The following EPHA2 variants were observed in gnomAD, a reference collection of about 807,000 sequenced individuals.
EPHA2 encodes the protein ephrin type-A receptor 2.
EPHA2 carries 54 observed loss-of-function variants against 104.9 expected under a neutral mutation model. That is an observed-to-expected ratio of 0.51 (90% confidence interval 0.41 to 0.65). EPHA2 has a LOEUF of 0.65. EPHA2 is among the 30% of genes least tolerant of loss of function. The pLI is 0.00. For missense variants in EPHA2, 1,117 were observed against 1,369.5 expected (o/e 0.82, Z 2.91); for synonymous variants, 560 against 559.1 (o/e 1.00, Z -0.02).
Position 16,130,163 on chromosome 1 carries a change from A to C in EPHA2, c.2669+63T>G, listed in dbSNP as rs1464361669. On this transcript the variant is annotated intron_variant, in intron 15 of 16. Transcript: ENST00000358432. This position sits in a 1 kb window ranked among gnomAD's most constrained non-coding sequence, Gnocchi z 4.5. ...TTCACCTGGGTGGCCACTCTACCGA[A>C]GTGGTTCAAGAGTCTGCAGAAGGAA... is the stretch of plus-strand genomic sequence containing the variant. The C allele has an allele frequency of 1.2e-6, 2 of 1,609,348 alleles. No homozygotes were observed. The highest frequency in any genetic ancestry group is 1.7e-5 in the Admixed American group (1 of 59,886).
At chr1:16,138,855 G>A (rs1452657275) in intron 3 of EPHA2, among the ~76,000 whole-genome samples, 2 of 152,166 alleles carry the variant, frequency 1.3e-5, no homozygotes, top group African/African-American at 4.8e-5. Context: ...GTAGCTGAGA[G>A]CTGCCCAGGG....
intron 1 of EPHA2, among the ~76,000 whole-genome samples, chr1:16,151,551 A>G (rs1414151470): frequency 6.6e-6 from 1 of 152,200 alleles, no homozygotes; most frequent in East Asian, 1.9e-4. Flanking sequence ...ACAGGTGGGA[A>G]CAGCTCCAGG....
In EPHA2 at chr1:16,131,181, GACACACGGAT is replaced by G. The variant is rs2024563153; in HGVS notation, c.2475+530_2475+539del. 6.6e-6 allele frequency among the ~76,000 whole-genome samples: 1 copy of G among 151,924 alleles called. No homozygotes were observed. The highest frequency in any genetic ancestry group is 2.4e-5 in the African/African-American group (1 of 41,352). On this transcript the variant is annotated intron_variant, in intron 14 of 16. Transcript: ENST00000358432. The surrounding 1 kb of genome is among the most constrained non-coding windows in gnomAD (Gnocchi z 5.2). ...ACATACGGATGCACACACATGCATGGACACACGGATACACACGTACACCCCACTCCTTTTT... is the reference window on the plus strand; with the variant it reads ...ACATACGGATGCACACACATGCATGGACACACGTACACCCCACTCCTTTTT...
rs2025157757 is a variant in EPHA2 at position 16,155,899 on chromosome 1, G to A, written c.34C>T (p.Leu12=). 2 of 1,489,066 alleles carry A rather than the reference G, an allele frequency of 1.3e-6. No homozygotes were observed. The highest frequency in any genetic ancestry group is 1.3e-5 in the South Asian group (1 of 78,946). 92.2% of individuals were successfully genotyped at this position (1,489,066 alleles called of 1,614,324 possible). A position where few individuals can be genotyped will look rare whatever the true frequency, so the allele number is the denominator to read the frequency against. Residue 12 remains leucine (L), a synonymous_variant, in exon 1 of 17, where the codon CTG becomes TTG. Coordinates refer to ENST00000358432, the MANE Select transcript of EPHA2 (RefSeq NM_004431.5). The part of the protein sequence containing the change: ...ELQAARACFA[L]LWGCALAAAA... ...GCGGCCAGCGCACAGCCCCACAGCA[G>A]GGCGAAGCAGGCGCGGGCTGCCTGG...
Position 16,134,037 on chromosome 1 carries a change from C to G in EPHA2, c.1683-122G>C. 1.0e-6 allele frequency: 1 copy of G among 998,766 alleles called. No homozygotes were observed. The allele number at this position is 998,766 out of a possible 1,614,324, so 61.9% of individuals were successfully genotyped here. On this transcript the variant is annotated intron_variant, in intron 8 of 16. Transcript: ENST00000358432. The surrounding 1 kb of genome is among the most constrained non-coding windows in gnomAD (Gnocchi z 4.5). ...TGGGGTGCTCAGAATGCGGCCCAGT[C>G]CCCGCTTTTGCTGCCCAAGCTCCAC...
rs779660280 is a variant in EPHA2, at chr1:16,149,044, C to T, written c.157G>A (p.Asp53Asn). The T allele has an allele frequency of 1.7e-5, 28 of 1,612,580 alleles. No individual in the cohort carries two copies. The highest frequency in any genetic ancestry group is 2.4e-5 in the Non-Finnish European group (28 of 1,180,046). The change falls in exon 3 of 17, where the codon GAC (aspartate) becomes AAC (asparagine). Residue 53 changes from aspartate to asparagine, a missense_variant. Asp to Asn is a conservative substitution (Grantham distance 23, BLOSUM62 1). This residue lies in a region of EPHA2 where 664 missense variants were observed against 784.8 expected (regional missense o/e 0.85). Coordinates refer to ENST00000358432, the MANE Select transcript of EPHA2 (RefSeq NM_004431.5). Reference sequence around the variant, plus strand: ...TCATTCATGATGTTCTGCATCAGGTCCCACTGTGGGGGGAAGATACAGGTT... The same window carrying T: ...TCATTCATGATGTTCTGCATCAGGTTCCACTGTGGGGGGAAGATACAGGTT... Reference protein sequence around the residue: ...WLTHPYGKGWDLMQNIMNDMP... With the variant: ...WLTHPYGKGWNLMQNIMNDMP...
intron 3 of EPHA2, among the ~76,000 whole-genome samples, chr1:16,143,277 TG>T (rs2124245371): frequency 6.6e-6 from 1 of 151,266 alleles, no homozygotes; most frequent in South Asian, 2.1e-4. Context: ...GAAGAGTGAG[TG>T]GGAGAGAGAA....
At position 16,148,682 on chromosome 1, in the gene EPHA2, G is replaced by A. The variant is rs762853912; in HGVS notation, c.519C>T (p.Leu173=). ...AGGCCAGGTAGAAGCCTTTGCGGGT[G>A]AGCGGCCCCACGGAGCGCTCCTCCA... ...LNVEERSVGP[L]TRKGFYLAFQ... The change falls in exon 3 of 17, where the codon CTC becomes CTT. Residue 173 remains leucine, a synonymous_variant. Transcript: ENST00000358432. This position sits in a 1 kb window ranked among gnomAD's most constrained non-coding sequence, Gnocchi z 4.9. 4.3e-6 allele frequency: 7 copies of A among 1,611,378 alleles called. 1 individual carries two copies. Among genetic ancestry groups the A allele is most frequent in the Non-Finnish European group, 5.1e-6 (6 of 1,180,032 alleles).
Position 16,134,929 on chromosome 1 carries a change from G to C in EPHA2, c.1582+107C>G. The C allele has an allele frequency of 1.3e-6, 2 of 1,545,504 alleles. No individual in the cohort carries two copies. The highest frequency in any genetic ancestry group is 1.8e-6 in the Non-Finnish European group (2 of 1,142,320). On this transcript the variant is annotated intron_variant, in intron 7 of 16. Transcript: ENST00000358432. This position sits in a 1 kb window ranked among gnomAD's most constrained non-coding sequence, Gnocchi z 4.5. ...GGGCTGTCCCAGGCCGCCGGTGACC[G>C]AGAAAGGGGCATTTCTAAGTTATTT... is the stretch of plus-strand genomic sequence containing the variant.
chr1:16,141,234 G>A lies in EPHA2; in HGVS notation c.824-2804C>T, dbSNP rs538490903. 9.2e-5 allele frequency among the ~76,000 whole-genome samples: 14 copies of A among 152,260 alleles called. No individual in the cohort carries two copies. In the South Asian group the frequency reaches 2.9e-3, roughly 32 times the overall value. On this transcript the variant is annotated intron_variant, in intron 3 of 16. Transcript: ENST00000358432. Reference sequence around the variant, plus strand: ...CCCACCACAGATCTTCTCAAACTGGGCACTTTTGTGTCTGTGAGCAGAAAA... The same window carrying A: ...CCCACCACAGATCTTCTCAAACTGGACACTTTTGTGTCTGTGAGCAGAAAA...
At position 16,133,578 on chromosome 1, in the gene EPHA2, C is replaced by T. The variant is rs756361670; in HGVS notation, c.1767G>A (p.Val589=). 8 of 1,613,952 alleles carry T rather than the reference C, an allele frequency of 5.0e-6. No individual in the cohort carries two copies. The highest frequency in any genetic ancestry group is 6.8e-6 in the Non-Finnish European group (8 of 1,179,980). Residue 589 remains valine (V), a synonymous_variant, in exon 10 of 17, where the codon GTG becomes GTA. Coordinates refer to ENST00000358432, the MANE Select transcript of EPHA2 (RefSeq NM_004431.5). ...SEQLKPLKTY[V]DPHTYEDPNQ... The stretch of plus-strand genomic sequence containing the variant: ...TGGGGTCCTCATATGTGTGGGGGTC[C>T]ACGTATGTCTTCAGGGGCTTCAGTT...
rs2024564132 is a variant in EPHA2, at chr1:16,131,228, C to T, written c.2475+493G>A. Reference sequence around the variant, plus strand: ...CCCCACTCCTTTTTTCATCTCTGCACTCTCTGAATCAGCTCCTGGAACCCA... The same window carrying T: ...CCCCACTCCTTTTTTCATCTCTGCATTCTCTGAATCAGCTCCTGGAACCCA... On this transcript the variant is annotated intron_variant, in intron 14 of 16. Transcript: ENST00000358432. This position sits in a 1 kb window ranked among gnomAD's most constrained non-coding sequence, Gnocchi z 5.2. Among the ~76,000 whole-genome samples the T allele has an allele frequency of 6.6e-6, 1 of 152,068 alleles. No homozygotes were observed. Among genetic ancestry groups the T allele is most frequent in the South Asian group, 2.1e-4 (1 of 4,830 alleles).
At chr1:16,129,698 G>A (rs560746559) in intron 15 of EPHA2, 109 bp from the exon 16 acceptor site, 26 of 1,405,844 alleles carry the variant, frequency 1.8e-5, no homozygotes, top group African/African-American at 2.8e-5. Flanking sequence ...CCGTGCCTCC[G>A]TCTCCTTATC....
At chr1:16,129,873 G>A (rs968428995) in intron 15 of EPHA2, among the ~76,000 whole-genome samples, 2 of 152,188 alleles carry the variant, frequency 1.3e-5, no homozygotes, top group African/African-American at 4.8e-5. Context: ...CAGATCCTGA[G>A]GTCACAATCC....
intron 1 of EPHA2, chr1:16,153,286 G>T (rs938258842): frequency 1.5e-4 from 145 of 985,272 alleles, no homozygotes; most frequent in Non-Finnish European, 1.7e-4. Context: ...CGAGGCTGTG[G>T]TTCCCTCCCC....
intron 2 of EPHA2, among the ~76,000 whole-genome samples, chr1:16,149,348 T>G (rs1163548849): frequency 3.9e-5 from 6 of 152,152 alleles, no homozygotes; most frequent in Non-Finnish European, 5.9e-5. Context: ...CGCAATTTCC[T>G]CATCTGTACA....
intron 5 of EPHA2, 26 bp downstream of exon 5, chr1:16,137,827 G>A (rs1437201155): frequency 6.2e-7 from 1 of 1,612,720 alleles, no homozygotes. Context: ...GCCCCATAGG[G>A]CACAGCTGCC....
Position 16,148,838 on chromosome 1 carries a change from G to A in EPHA2, c.363C>T (p.Leu121=). The A allele has an allele frequency of 6.2e-7, 1 of 1,614,178 alleles. No homozygotes were observed. The highest frequency in any genetic ancestry group is 8.5e-7 in the Non-Finnish European group (1 of 1,180,044). ...AGTCCAGGTCCGACTCGGCATAGTA[G>A]AGGTTGAAAGTCTCCTTGCAGGAGC... ...GASSCKETFN[L]YYAESDLDYG... Residue 121 remains leucine (L), a synonymous_variant, in exon 3 of 17, where the codon CTC becomes CTT. Transcript: ENST00000358432. This position sits in a 1 kb window ranked among gnomAD's most constrained non-coding sequence, Gnocchi z 4.9.
At chr1:16,155,661 G>C in intron 1 of EPHA2, 187 bp downstream of exon 1, 1 of 450,172 alleles carries the variant, frequency 2.2e-6, no homozygotes, top group Non-Finnish European at 3.8e-6. Context: ...CTTATTCTCC[G>C]GAGCCCCTAT....
Sources: allele counts gnomAD v4.1 joint callset (sites outside exome capture counted in the v4.1 genomes callset), GRCh38; gene constraint gnomAD v4.1.1; regional missense constraint gnomAD v4.1.1; non-coding constraint Gnocchi (gnomAD v3.1); transcripts MANE v1.5; gene names NCBI Gene and HGNC (gene_info 2026-07-23, HGNC 2026-07-21).